The following PLEKHB2 variants were observed in gnomAD, a reference collection of about 807,000 sequenced individuals.
PLEKHB2 encodes the protein pleckstrin homology domain containing B2, also known as pleckstrin homology domain-containing family B member 2.
Under a neutral mutation model 36.5 loss-of-function variants are expected in PLEKHB2, and 31 were observed. The ratio of observed to expected loss-of-function variants is 0.85; its 90% CI spans 0.64 to 1.15. The LOEUF is 1.15. Among genes scored for constraint, PLEKHB2 ranks in the 50% most tolerant of loss-of-function variants. The pLI is 0.00. For synonymous variants in PLEKHB2, 119 were observed against 112.0 expected (o/e 1.06, Z -0.39); for missense variants, 262 against 295.3 (o/e 0.89, Z 0.83).
chr2:131,108,825 C>A (rs752541488), intron 1 of PLEKHB2, among the ~76,000 whole-genome samples: 7 of 152,110 alleles, frequency 4.6e-5, no homozygotes, highest in Non-Finnish European at 8.8e-5. Context: ...AAAGCAGCTA[C>A]CATTTATCGA....
intron 1 of PLEKHB2, among the ~76,000 whole-genome samples, chr2:131,109,150 T>C (rs1399483201): frequency 1.3e-5 from 2 of 152,040 alleles, no homozygotes; most frequent in Non-Finnish European, 2.9e-5. Flanking sequence ...TTGGGCAACA[T>C]AGTGAAACCT....
At chr2:131,127,348 C>T (rs1697200290) in intron 4 of PLEKHB2, among the ~76,000 whole-genome samples, 1 of 152,200 alleles carries the variant, frequency 6.6e-6, no homozygotes, top group South Asian at 2.1e-4. Context: ...GTCTCTGCCT[C>T]TGTTGTCACA....
intron 1 of PLEKHB2, among the ~76,000 whole-genome samples, chr2:131,113,066 CT>C (rs374015592): frequency 5.3e-5 from 8 of 150,608 alleles, no homozygotes; most frequent in African/African-American, 1.7e-4. Context: ...TGCAGGACAC[CT>C]AGTTGGTGTT....
At position 131,149,179 on chromosome 2, in the gene PLEKHB2, G is replaced by GGGTATAA. The variant is rs1231034287; in HGVS notation, c.*2410_*2416dup. 1.3e-5 allele frequency: 2 copies of GGGTATAA among 152,196 alleles called. No individual in the cohort carries two copies. The highest frequency in any genetic ancestry group is 6.5e-5 in the Admixed American group (1 of 15,268). The allele number at this position is 152,196 out of a possible 1,614,324, so 9.4% of individuals were successfully genotyped here. ...TTGATCCTGGTATGAAATGCATACT[G>GGGTATAA]GGTATAAGGTTGCTCAGGTATTTTA... On this transcript the variant is annotated 3_prime_UTR_variant, in exon 8 of 8. Coordinates refer to ENST00000693505, the MANE Select transcript of PLEKHB2 (RefSeq NM_001100623.2).
chr2:131,146,837 G>T lies in PLEKHB2; in HGVS notation c.*64G>T. The T allele has an allele frequency of 1.5e-6, 2 of 1,375,958 alleles. No homozygotes were observed. The highest frequency in any genetic ancestry group is 2.0e-6 in the Non-Finnish European group (2 of 1,017,202). 85.2% of individuals were successfully genotyped at this position (1,375,958 alleles called of 1,614,324 possible). On this transcript the variant is annotated 3_prime_UTR_variant, in exon 8 of 8. Coordinates refer to ENST00000693505, the MANE Select transcript of PLEKHB2 (RefSeq NM_001100623.2). ...CTGTGTGCAATAATATGATTTGCAG[G>T]GCATTTCTGTTTGTGACAAAAGTTT...
At chr2:131,137,105 C>T (rs1698341107) in intron 6 of PLEKHB2, among the ~76,000 whole-genome samples, 1 of 151,670 alleles carries the variant, frequency 6.6e-6, no homozygotes, top group Non-Finnish European at 1.5e-5. Context: ...TGCCACCACA[C>T]CCGGCTAATT....
intron 1 of PLEKHB2, among the ~76,000 whole-genome samples, chr2:131,114,444 A>T (rs1234605232): frequency 6.6e-6 from 1 of 152,044 alleles, no homozygotes; most frequent in Non-Finnish European, 1.5e-5. Context: ...CATTTTGCCC[A>T]TTGTCTTGGT....
At position 131,148,951 on chromosome 2, in the gene PLEKHB2, G is replaced by A. The variant is rs1573654577; in HGVS notation, c.*2178G>A. 6.6e-6 allele frequency: 1 copy of A among 152,174 alleles called. No homozygotes were observed. The highest frequency in any genetic ancestry group is 1.5e-5 in the Non-Finnish European group (1 of 68,036). The allele number at this position is 152,174 out of a possible 1,614,324, so 9.4% of individuals were successfully genotyped here. A position where few individuals can be genotyped will look rare whatever the true frequency, so the allele number is the denominator to read the frequency against. The stretch of plus-strand genomic sequence containing the variant: ...TGGAATTACTGGGTGGGAATTCCAG[G>A]AACCACAGAGTATTGATTTTTGCTG... On this transcript the variant is annotated 3_prime_UTR_variant, in exon 8 of 8. Transcript: ENST00000693505.
At position 131,149,636 on chromosome 2, in the gene PLEKHB2, T is replaced by C. The variant is rs1284973379; in HGVS notation, c.*2863T>C. ...GTGTATTTTCCACAAGTTTTGATCC[T>C]GTGTAATATTTCTTTTTCCTTCCCT... On this transcript the variant is annotated 3_prime_UTR_variant, in exon 8 of 8. Transcript: ENST00000693505. The C allele has an allele frequency of 6.6e-6, 1 of 152,250 alleles. No individual in the cohort carries two copies. The highest frequency in any genetic ancestry group is 1.5e-5 in the Non-Finnish European group (1 of 68,042). The allele number at this position is 152,250 out of a possible 1,614,324, so 9.4% of individuals were successfully genotyped here.
intron 3 of PLEKHB2, 138 bp downstream of exon 3, chr2:131,126,043 G>C (rs1697069563): frequency 1.3e-6 from 1 of 745,382 alleles, no homozygotes; most frequent in Non-Finnish European, 2.1e-6. Flanking sequence ...GACCACAGTG[G>C]GGCCCCAGGC....
At chr2:131,127,860 T>C (rs1210677708) in intron 4 of PLEKHB2, among the ~76,000 whole-genome samples, 1 of 152,202 alleles carries the variant, frequency 6.6e-6, no homozygotes, top group Non-Finnish European at 1.5e-5. Flanking sequence ...GAAAAAATCC[T>C]TAAGAATGTG....
At chr2:131,131,841 A>AT (rs923033263) in intron 5 of PLEKHB2, among the ~76,000 whole-genome samples, 3,607 of 126,596 alleles carry the variant, frequency 0.028, 64 homozygotes, top group African/African-American at 0.061. Flanking sequence ...CTTTGTGTGG[A>AT]TTTTTTTTTT....
At chr2:131,124,281 G>A (rs770286789) in intron 2 of PLEKHB2, among the ~76,000 whole-genome samples, 8 of 152,162 alleles carry the variant, frequency 5.3e-5, no homozygotes, top group Non-Finnish European at 7.3e-5. Flanking sequence ...GCCGAATGGC[G>A]CATATCTGGT....
intron 7 of PLEKHB2, chr2:131,144,261 A>G: frequency 2.8e-6 from 1 of 360,518 alleles, no homozygotes; most frequent in Non-Finnish European, 4.9e-6. Flanking sequence ...CAATTGAGAA[A>G]GTACAGAGTA....
At chr2:131,124,697 G>A (rs933072908) in intron 2 of PLEKHB2, among the ~76,000 whole-genome samples, 1 of 152,182 alleles carries the variant, frequency 6.6e-6, no homozygotes, top group Non-Finnish European at 1.5e-5. Context: ...ATCAGGAAGG[G>A]GGGAGCCTTC....
intron 1 of PLEKHB2, chr2:131,120,603 C>T (rs1235820499): frequency 1.3e-5 from 5 of 381,824 alleles, no homozygotes; most frequent in Admixed American, 4.0e-5. Flanking sequence ...CCTCAGGGCT[C>T]CAGCAAGCCA....
intron 1 of PLEKHB2, among the ~76,000 whole-genome samples, chr2:131,112,933 G>A (rs1426761084): frequency 6.6e-6 from 1 of 152,110 alleles, no homozygotes; most frequent in African/African-American, 2.4e-5. Flanking sequence ...AAAGCTAGTT[G>A]ATCACATGTT....
At chr2:131,111,679 CG>C (rs1174713802) in intron 1 of PLEKHB2, among the ~76,000 whole-genome samples, 1 of 150,840 alleles carries the variant, frequency 6.6e-6, no homozygotes, top group African/African-American at 2.4e-5. Flanking sequence ...TTAGTAGAGA[CG>C]GGGTTTCACC....
chr2:131,118,867 CAAAAAAAAAAAAAAAAAAAA>C (rs138450500), intron 1 of PLEKHB2: 1 of 45,208 alleles, frequency 2.2e-5, no homozygotes, highest in Non-Finnish European at 3.9e-5. Flanking sequence ...GATTCCGTCT[CAAAAAAAAAAAAAAAAAAAA>C]AAAAAAAAAA....
Sources: allele counts gnomAD v4.1 joint callset (sites outside exome capture counted in the v4.1 genomes callset), GRCh38; gene constraint gnomAD v4.1.1; transcripts MANE v1.5; gene names NCBI Gene and HGNC (gene_info 2026-07-23, HGNC 2026-07-21).